The following CHST3 variants were observed in gnomAD, a reference collection of about 807,000 sequenced individuals.
The protein encoded by CHST3 is carbohydrate sulfotransferase 3, also known as C6ST-1.
In CHST3, 20 loss-of-function variants were observed where a neutral mutation model predicts 35.4. The observed-to-expected ratio is 0.57, with a 90% CI of 0.40 to 0.82. CHST3 has a LOEUF of 0.82. Ranked by LOEUF, CHST3 falls within the 40% of genes least tolerant of loss-of-function variation. The pLI, the probability that CHST3 is intolerant of heterozygous loss-of-function variation, is 0.00. For missense variants in CHST3, 693 were observed against 670.1 expected, an observed-to-expected ratio of 1.03 and a Z score of -0.38; for synonymous variants, 334 against 295.9, an observed-to-expected ratio of 1.13 and a Z score of -1.32.
intron 1 of CHST3, among the ~76,000 whole-genome samples, chr10:72,004,611 C>A (rs1840021149): frequency 6.6e-6 from 1 of 152,208 alleles, no homozygotes; most frequent in Admixed American, 6.5e-5. Context: ...CACCTTCTCT[C>A]TCCACCTACC....
intron 1 of CHST3, among the ~76,000 whole-genome samples, chr10:71,991,028 T>C (rs1839892408): frequency 6.6e-6 from 1 of 152,230 alleles, no homozygotes; most frequent in South Asian, 2.1e-4. Context: ...GGATCCAGGC[T>C]GCTTCCATTG....
chr10:71,970,623 G>A (rs941070179), intron 1 of CHST3, among the ~76,000 whole-genome samples: 1 of 152,164 alleles, frequency 6.6e-6, no homozygotes, highest in South Asian at 2.1e-4. Flanking sequence ...GAGAGAAGAC[G>A]GCCGGGGGTC....
At chr10:71,987,133 C>T (rs1839854129) in intron 1 of CHST3, among the ~76,000 whole-genome samples, 1 of 151,814 alleles carries the variant, frequency 6.6e-6, no homozygotes, top group South Asian at 2.1e-4. Flanking sequence ...ATAGATCAGT[C>T]AGAGGATAGC....
chr10:72,000,868 G>C (rs572362952), intron 1 of CHST3, among the ~76,000 whole-genome samples: 1 of 152,250 alleles, frequency 6.6e-6, no homozygotes, highest in East Asian at 1.9e-4. Context: ...GAAGCAGGAG[G>C]GGGTGTGGGG....
At chr10:71,987,022 T>A (rs1383385709) in intron 1 of CHST3, among the ~76,000 whole-genome samples, 1 of 152,146 alleles carries the variant, frequency 6.6e-6, no homozygotes, top group East Asian at 1.9e-4. Flanking sequence ...CCACTCCAAG[T>A]CTGTCCGAGT....
At chr10:72,003,700 C>CAAA (rs10688056) in intron 1 of CHST3, among the ~76,000 whole-genome samples, 24 of 111,552 alleles carry the variant, frequency 2.2e-4, no homozygotes, top group African/African-American at 7.0e-4. Context: ...GACTCTGTCT[C>CAAA]AAAAAAAAAA....
chr10:72,006,722 A>T (rs1277550899), intron 2 of CHST3, among the ~76,000 whole-genome samples: 2 of 152,202 alleles, frequency 1.3e-5, no homozygotes, highest in African/African-American at 4.8e-5. Flanking sequence ...TGGGTCAGGG[A>T]TTGGGCAATA....
At position 72,010,020 on chromosome 10, in the gene CHST3, A is replaced by G. The variant is rs1340904421; in HGVS notation, c.*1549A>G. On this transcript the variant is annotated 3_prime_UTR_variant, in exon 3 of 3. Coordinates refer to ENST00000373115, the MANE Select transcript of CHST3 (RefSeq NM_004273.5). ...GCCACGTGGCAGGCCACAGTGCCCT[A>G]TGGGCTTTTCTGTTTGAACCCCATG... The G allele has an allele frequency of 6.6e-6, 1 of 152,598 alleles. No individual in the cohort carries two copies. The highest frequency in any genetic ancestry group is 1.5e-5 in the Non-Finnish European group (1 of 68,168). 9.5% of individuals were successfully genotyped at this position (152,598 alleles called of 1,614,324 possible). A position where few individuals can be genotyped will look rare whatever the true frequency, so the allele number is the denominator to read the frequency against.
In CHST3 at chr10:72,012,350, G is replaced by A. The variant is rs1840120061; in HGVS notation, c.*3879G>A. 1 of 152,214 alleles carries A rather than the reference G, an allele frequency of 6.6e-6. No homozygotes were observed. Among genetic ancestry groups the A allele is most frequent in the Non-Finnish European group, 1.5e-5 (1 of 68,078 alleles). The allele number at this position is 152,214 out of a possible 1,614,324, so 9.4% of individuals were successfully genotyped here. A position where few individuals can be genotyped will look rare whatever the true frequency, so the allele number is the denominator to read the frequency against. On this transcript the variant is annotated 3_prime_UTR_variant, in exon 3 of 3. Transcript: ENST00000373115. Reference sequence around the variant, plus strand: ...CCCGGGTCATCCTCTCCTATACTAGGGCCTATTGACCGTAGAGGCCAGGTG... The same window carrying A: ...CCCGGGTCATCCTCTCCTATACTAGAGCCTATTGACCGTAGAGGCCAGGTG...
chr10:71,983,563 G>T (rs1839820611), intron 1 of CHST3, among the ~76,000 whole-genome samples: 2 of 152,234 alleles, frequency 1.3e-5, no homozygotes, highest in South Asian at 4.1e-4. Context: ...CAGTTCTCTT[G>T]CCTCAGCCTC....
intron 1 of CHST3, among the ~76,000 whole-genome samples, chr10:71,994,311 C>T (rs1409738779): frequency 6.6e-6 from 1 of 151,692 alleles, no homozygotes; most frequent in Non-Finnish European, 1.5e-5. Context: ...ACTTGAAAGT[C>T]AAAATTACTC....
chr10:72,006,090 G>C, intron 2 of CHST3, 108 bp downstream of exon 2: 4 of 1,404,038 alleles, frequency 2.8e-6, no homozygotes, highest in Non-Finnish European at 4.0e-6. Context: ...TTCCTTCAAC[G>C]AGCCATCCCC....
intron 1 of CHST3, among the ~76,000 whole-genome samples, chr10:71,980,375 A>G (rs980767172): frequency 6.6e-6 from 1 of 152,084 alleles, no homozygotes; most frequent in African/African-American, 2.4e-5. Context: ...AAAGAAACTC[A>G]TGCTTATCAA....
Position 71,988,071 on chromosome 10 carries a change from T to C in CHST3, c.-107-17665T>C, listed in dbSNP as rs113554260. On this transcript the variant is annotated intron_variant, in intron 1 of 2. Transcript: ENST00000373115. The stretch of plus-strand genomic sequence containing the variant: ...GTGCACGTATGATGCACCCATTGCA[T>C]GTATACGTACATGCACACATTTCTG... Among the ~76,000 whole-genome samples, 768 of 152,308 alleles carry C rather than the reference T, an allele frequency of 5.0e-3. 5 individuals are homozygous for C. The highest frequency in any genetic ancestry group is 0.02 in the Middle Eastern group (6 of 294).
At chr10:71,991,061 G>A (rs1293029461) in intron 1 of CHST3, among the ~76,000 whole-genome samples, 2 of 152,206 alleles carry the variant, frequency 1.3e-5, no homozygotes, top group Non-Finnish European at 2.9e-5. Flanking sequence ...GTTGGAACAT[G>A]TGGCCTCCAC....
intron 1 of CHST3, among the ~76,000 whole-genome samples, chr10:72,005,245 G>A (rs1185390764): frequency 2.6e-5 from 4 of 152,114 alleles, no homozygotes; most frequent in Non-Finnish European, 5.9e-5. Flanking sequence ...TGCTGAGGTT[G>A]GGAAGCCCCG....
intron 1 of CHST3, among the ~76,000 whole-genome samples, chr10:71,984,576 T>G (rs976702496): frequency 1.3e-5 from 2 of 152,186 alleles, no homozygotes; most frequent in South Asian, 2.1e-4. Context: ...TAAATCAGCT[T>G]GCTCAGACAC....
At chr10:71,967,876 C>T (rs1452027422) in intron 1 of CHST3, among the ~76,000 whole-genome samples, 1 of 151,994 alleles carries the variant, frequency 6.6e-6, no homozygotes, top group Non-Finnish European at 1.5e-5. Flanking sequence ...GGCTGGAGTA[C>T]AGTGGTGCGA....
chr10:71,974,629 A>G (rs1355892382), intron 1 of CHST3, among the ~76,000 whole-genome samples: 2 of 152,170 alleles, frequency 1.3e-5, no homozygotes, highest in Non-Finnish European at 2.9e-5. Flanking sequence ...CTCACCATTC[A>G]TAGCCCAGGG....
Sources: allele counts gnomAD v4.1 joint callset (sites outside exome capture counted in the v4.1 genomes callset), GRCh38; gene constraint gnomAD v4.1.1; transcripts MANE v1.5; gene names NCBI Gene and HGNC (gene_info 2026-07-23, HGNC 2026-07-21).